The following C12orf76 variants were observed in gnomAD, a reference collection of about 807,000 sequenced individuals.
C12orf76 encodes the protein uncharacterized protein C12orf76.
Under a neutral mutation model 6.8 loss-of-function variants are expected in C12orf76, and 6 were observed. The observed-to-expected ratio is 0.88, with a 90% CI of 0.48 to 1.73. The LOEUF (loss-of-function observed/expected upper bound fraction) is 1.73. C12orf76 is among the 40% of genes most tolerant of loss of function. The pLI is 0.01. For missense variants in C12orf76, 99 were observed against 98.2 expected (o/e 1.01, Z -0.03); for synonymous variants, 56 against 43.7 (o/e 1.28, Z -1.11).
intron 1 of C12orf76, among the ~76,000 whole-genome samples, chr12:110,067,076 C>T (rs974819709): frequency 6.6e-6 from 1 of 152,212 alleles, no homozygotes; most frequent in Non-Finnish European, 1.5e-5. Context: ...GAGGACTGTT[C>T]TCCAGGGAAG....
At chr12:110,068,756 C>T (rs1331638694), upstream of C12orf76, among the ~76,000 whole-genome samples, 1 of 152,180 alleles carries the variant, frequency 6.6e-6, no homozygotes, top group Non-Finnish European at 1.5e-5. Context: ...TCCTTCCAGC[C>T]CCAGTAGGGA....
chr12:110,056,072 C>CAAA (rs112482731), intron 4 of C12orf76, among the ~76,000 whole-genome samples: 1 of 81,568 alleles, frequency 1.2e-5, no homozygotes. Context: ...GACTCTATCT[C>CAAA]AAAAAAAAAA....
intron 2 of C12orf76, among the ~76,000 whole-genome samples, chr12:110,064,365 T>C (rs1892825441): frequency 6.6e-6 from 1 of 152,130 alleles, no homozygotes; most frequent in Non-Finnish European, 1.5e-5. Context: ...GAACTCATAA[T>C]ACAGAGAGTT....
At chr12:110,043,030 A>C (rs1216074072) in intron 1 of C12orf76, among the ~76,000 whole-genome samples, 2 of 151,888 alleles carry the variant, frequency 1.3e-5, no homozygotes, top group African/African-American at 2.4e-5. Flanking sequence ...CAGTGAGCCG[A>C]GATTGCGCCA....
At chr12:110,057,357 T>C in intron 3 of C12orf76, 1 of 1,096,606 alleles carries the variant, frequency 9.1e-7, no homozygotes, top group Non-Finnish European at 1.4e-6. Context: ...ACTGCCCTCA[T>C]ATCCCTTACC....
chr12:110,051,822 A>T (rs1345511020), upstream of C12orf76, among the ~76,000 whole-genome samples: 1 of 149,204 alleles, frequency 6.7e-6, no homozygotes, highest in Admixed American at 6.7e-5. Context: ...ACCAGCTTGC[A>T]CCTTCTAGTC....
chr12:110,057,038 G>A, intron 4 of C12orf76: 1 of 625,376 alleles, frequency 1.6e-6, no homozygotes, highest in Non-Finnish European at 2.9e-6. Flanking sequence ...GAGTGGCAGG[G>A]AAATAAGGAT....
upstream of C12orf76, among the ~76,000 whole-genome samples, chr12:110,052,068 A>AT (rs564047246): frequency 1.8e-4 from 26 of 146,782 alleles, no homozygotes; most frequent in East Asian, 1.6e-3. Flanking sequence ...AATTTTTTGT[A>AT]TTTTTTTTTA....
chr12:110,065,754 C>A, intron 2 of C12orf76: 1 of 1,593,404 alleles, frequency 6.3e-7, no homozygotes, highest in Non-Finnish European at 8.6e-7. Context: ...CAGATGGTTT[C>A]ACTTCTCTGC....
At chr12:110,060,434 A>G (rs956495988) in intron 2 of C12orf76, among the ~76,000 whole-genome samples, 2 of 152,088 alleles carry the variant, frequency 1.3e-5, no homozygotes, top group African/African-American at 4.8e-5. Context: ...CACTAAATCC[A>G]ATAGACACAC....
At chr12:110,072,320 G>A (rs1248377363), upstream of C12orf76, among the ~76,000 whole-genome samples, 2 of 151,656 alleles carry the variant, frequency 1.3e-5, no homozygotes, top group African/African-American at 2.4e-5. Context: ...ACATGGATGA[G>A]CACCGAAAAC....
chr12:110,063,094 C>T (rs552361660), intron 2 of C12orf76, among the ~76,000 whole-genome samples: 1 of 151,382 alleles, frequency 6.6e-6, no homozygotes, highest in South Asian at 2.1e-4. Context: ...CACCTGCCAC[C>T]ACGCCCAGCT....
chr12:110,069,312 C>T (rs995356058), upstream of C12orf76, among the ~76,000 whole-genome samples: 1 of 152,018 alleles, frequency 6.6e-6, no homozygotes. Context: ...TGGTGGCGGG[C>T]GCCTGTAGTC....
chr12:110,065,956 T>A, exon 2 of C12orf76: 1 of 1,613,734 alleles, frequency 6.2e-7, no homozygotes, highest in Non-Finnish European at 8.5e-7. Context: ...GTGGCTGGAT[T>A]CTTCTCCTTC....
intron 1 of C12orf76, among the ~76,000 whole-genome samples, chr12:110,067,238 C>G (rs940574984): frequency 1.3e-5 from 2 of 152,144 alleles, no homozygotes; most frequent in Admixed American, 6.6e-5. Context: ...TTGGTGGTCA[C>G]AGAAAACAAA....
At chr12:110,072,753 T>A (rs1374898231) in intron 1 of C12orf76, among the ~76,000 whole-genome samples, 1 of 151,440 alleles carries the variant, frequency 6.6e-6, no homozygotes, top group East Asian at 1.9e-4. Flanking sequence ...CGAAACCCCG[T>A]TTCTACTAAA....
Position 110,054,764 on chromosome 12 carries a change from T to C in C12orf76, n.664+2425A>G, listed in dbSNP as rs1241243884. On this transcript the variant is annotated intron_variant and non_coding_transcript_variant, in intron 4 of 4. Coordinates refer to the C12orf76 transcript ENST00000309050. This position sits in a 1 kb window ranked among gnomAD's most constrained non-coding sequence, Gnocchi z 4.4. ...ATGTAGACATATATGTGTTTAGAAATATAAAAACAAACAAGGGAATGACAA... is the reference window on the plus strand; with the variant it reads ...ATGTAGACATATATGTGTTTAGAAACATAAAAACAAACAAGGGAATGACAA... Among the ~76,000 whole-genome samples the C allele has an allele frequency of 1.3e-5, 2 of 152,212 alleles. No individual in the cohort carries two copies. The highest frequency in any genetic ancestry group is 4.8e-5 in the African/African-American group (2 of 41,458).
upstream of C12orf76, among the ~76,000 whole-genome samples, chr12:110,051,463 G>A (rs1259395609): frequency 6.6e-6 from 1 of 151,648 alleles, no homozygotes; most frequent in Non-Finnish European, 1.5e-5. Context: ...GTCTTGCTCT[G>A]TCGCCCAGGT....
intron 3 of C12orf76, among the ~76,000 whole-genome samples, chr12:110,057,478 T>C (rs995559280): frequency 1.3e-5 from 2 of 152,026 alleles, no homozygotes; most frequent in Non-Finnish European, 2.9e-5. Context: ...AGCCTCTGCT[T>C]CTCTTTTTTA....
Sources: allele counts gnomAD v4.1 joint callset (sites outside exome capture counted in the v4.1 genomes callset), GRCh38; gene constraint gnomAD v4.1.1; non-coding constraint Gnocchi (gnomAD v3.1); transcripts MANE v1.5; gene names NCBI Gene and HGNC (gene_info 2026-07-23, HGNC 2026-07-21).